The following LARP6 variants were observed in gnomAD, a reference collection of about 807,000 sequenced individuals.
The protein encoded by LARP6 is La ribonucleoprotein 6, translational regulator, also known as la-related protein 6.
LARP6 carries 18 observed loss-of-function variants against 32.8 expected under a neutral mutation model. The observed-to-expected ratio is 0.55, with a 90% CI of 0.38 to 0.81. The LOEUF (loss-of-function observed/expected upper bound fraction) is 0.81, where lower values mean the gene tolerates loss of function less well. Among genes scored for constraint, LARP6 ranks in the 40% least tolerant of loss-of-function variants. The probability of loss-of-function intolerance (pLI) is 0.00; values close to 1 mark genes in which losing one functional copy is unlikely to be tolerated. For synonymous variants in LARP6, 289 were observed against 267.2 expected, an observed-to-expected ratio of 1.08 and a Z score of -0.80; for missense variants, 598 against 663.1, an observed-to-expected ratio of 0.90 and a Z score of 1.08.
chr15:70,832,642 G>A lies in LARP6; in HGVS notation c.886C>T (p.Pro296Ser). 6.2e-7 allele frequency: 1 copy of A among 1,609,614 alleles called. No homozygotes were observed. The highest frequency in any genetic ancestry group is 8.5e-7 in the Non-Finnish European group (1 of 1,178,854). The part of the protein sequence containing the change: ...MKAVLIGMKP[P>S]KKKPAKDKNH... ...TTGTCTTTGGCAGGTTTCTTTTTGGGTGGCTTCATACCAATCAGGACAGCT... is the reference window on the plus strand; with the variant it reads ...TTGTCTTTGGCAGGTTTCTTTTTGGATGGCTTCATACCAATCAGGACAGCT... Residue 296 changes from proline to serine, a missense_variant, in exon 3 of 3, where the codon CCC (proline) becomes TCC (serine). Pro to Ser is a moderately conservative substitution (Grantham distance 74). Coordinates refer to ENST00000299213, the MANE Select transcript of LARP6 (RefSeq NM_018357.4).
intron 1 of LARP6, among the ~76,000 whole-genome samples, chr15:70,839,296 C>T (rs909218201): frequency 2.0e-5 from 3 of 151,866 alleles, no homozygotes; most frequent in African/African-American, 4.8e-5. Flanking sequence ...AAAAATTAGC[C>T]GGGTGTGGTG....
rs1360755223 is a variant in LARP6 at position 70,831,531 on chromosome 15, T to G, written c.*521A>C. 6.6e-6 allele frequency: 1 copy of G among 152,190 alleles called. No homozygotes were observed. Among genetic ancestry groups the G allele is most frequent in the Non-Finnish European group, 1.5e-5 (1 of 68,060 alleles). 9.4% of individuals were successfully genotyped at this position (152,190 alleles called of 1,614,324 possible). ...CTTTTGTCAGGCACAATCTATAACC[T>G]CAAAGTCAGCACTCCCAGTTGGGTG... On this transcript the variant is annotated 3_prime_UTR_variant, in exon 3 of 3. Transcript: ENST00000299213.
intron 1 of LARP6, chr15:70,853,105 G>A (rs2032520917): frequency 6.6e-6 from 1 of 152,110 alleles, no homozygotes; most frequent in African/African-American, 2.4e-5. Context: ...GTCCTTAAGG[G>A]CCTGGGCATT....
At chr15:70,840,201 T>G (rs1378959480) in intron 1 of LARP6, among the ~76,000 whole-genome samples, 1 of 152,158 alleles carries the variant, frequency 6.6e-6, no homozygotes, top group African/African-American at 2.4e-5. Context: ...ACAGAACAAA[T>G]TTCACTTTAT....
chr15:70,854,133 C>G lies in LARP6; in HGVS notation c.-45G>C, dbSNP rs1207006041. 8.3e-7 allele frequency: 1 copy of G among 1,204,836 alleles called. No individual in the cohort carries two copies. Among genetic ancestry groups the G allele is most frequent in the East Asian group, 3.4e-5 (1 of 29,688 alleles). 74.6% of individuals were successfully genotyped at this position (1,204,836 alleles called of 1,614,324 possible). A position where few individuals can be genotyped will look rare whatever the true frequency, so the allele number is the denominator to read the frequency against. On this transcript the variant is annotated 5_prime_UTR_variant, in exon 1 of 3. Coordinates refer to ENST00000299213, the MANE Select transcript of LARP6 (RefSeq NM_018357.4). ...CCGCCGGGGTCCTCACGCCGCAAGG[C>G]CCAGCCAGCCGGTCGGCAGCGACTG...
intron 1 of LARP6, among the ~76,000 whole-genome samples, chr15:70,839,081 G>T (rs998759388): frequency 5.9e-5 from 9 of 152,122 alleles, no homozygotes; most frequent in Non-Finnish European, 1.3e-4. Context: ...AAGAGTTTTA[G>T]CTATTTGCCT....
intron 1 of LARP6, among the ~76,000 whole-genome samples, chr15:70,842,013 C>T (rs1457845527): frequency 6.6e-6 from 1 of 151,976 alleles, no homozygotes; most frequent in African/African-American, 2.4e-5. Flanking sequence ...ATTCTTCTCC[C>T]CATTTTATGT....
intron 1 of LARP6, among the ~76,000 whole-genome samples, chr15:70,847,216 T>C (rs1052369359): frequency 1.3e-5 from 2 of 152,220 alleles, no homozygotes; most frequent in Admixed American, 1.3e-4. Context: ...GAAAAAGTTT[T>C]ACACTTAAGG....
chr15:70,849,036 G>A (rs2032398722), intron 1 of LARP6: 2 of 152,064 alleles, frequency 1.3e-5, no homozygotes, highest in Admixed American at 6.6e-5. Flanking sequence ...AATTTGAATT[G>A]GAATTATTGA....
At chr15:70,843,317 C>T (rs1376039872) in intron 1 of LARP6, among the ~76,000 whole-genome samples, 1 of 151,984 alleles carries the variant, frequency 6.6e-6, no homozygotes, top group East Asian at 1.9e-4. Context: ...AACATTTTTC[C>T]AAAAAATTAA....
intron 1 of LARP6, chr15:70,851,349 A>G: frequency 1.4e-6 from 1 of 693,474 alleles, no homozygotes; most frequent in Non-Finnish European, 1.9e-6. Context: ...ATGTTTGAAA[A>G]TTTTTATGTT....
chr15:70,832,057 C>T lies in LARP6; in HGVS notation c.1471G>A (p.Val491Ile). ...FHGHERSRAC[V>I] ...GTATTAAAAATAGAAGGTATTTATA[C>T]ACAGGCCCTGCTCCTCTCATGGCCA... The change falls in exon 3 of 3, where the codon GTA becomes ATA. Residue 491 changes from valine to isoleucine, a missense_variant. Val to Ile is a conservative substitution (Grantham distance 29). Transcript: ENST00000299213. The T allele has an allele frequency of 6.6e-7, 1 of 1,506,710 alleles. No homozygotes were observed. Among genetic ancestry groups the T allele is most frequent in the Non-Finnish European group, 8.9e-7 (1 of 1,127,166 alleles). 93.3% of individuals were successfully genotyped at this position (1,506,710 alleles called of 1,614,324 possible). A position where few individuals can be genotyped will look rare whatever the true frequency, so the allele number is the denominator to read the frequency against.
chr15:70,852,594 G>A (rs1476020490), intron 1 of LARP6, among the ~76,000 whole-genome samples: 3 of 152,126 alleles, frequency 2.0e-5, no homozygotes, highest in African/African-American at 7.2e-5. Context: ...CTGCCTTCTC[G>A]AGACTGTGAG....
At chr15:70,851,877 C>A in intron 1 of LARP6, 2 of 1,207,362 alleles carry the variant, frequency 1.7e-6, no homozygotes, top group Non-Finnish European at 2.3e-6. Context: ...TAAAGGCTGA[C>A]TAGAAATCAG....
At chr15:70,836,848 C>A (rs917872583) in intron 1 of LARP6, among the ~76,000 whole-genome samples, 1 of 152,156 alleles carries the variant, frequency 6.6e-6, no homozygotes, top group Non-Finnish European at 1.5e-5. Flanking sequence ...AGAATGGATC[C>A]ATTTCTAGTA....
At chr15:70,840,480 C>A (rs926013889) in intron 1 of LARP6, among the ~76,000 whole-genome samples, 1 of 152,154 alleles carries the variant, frequency 6.6e-6, no homozygotes, top group Admixed American at 6.5e-5. Context: ...GCGGAGGTTG[C>A]AGTGAGCCGG....
chr15:70,854,119 C>G lies in LARP6; in HGVS notation c.-31G>C. On this transcript the variant is annotated 5_prime_UTR_variant, in exon 1 of 3. Coordinates refer to ENST00000299213, the MANE Select transcript of LARP6 (RefSeq NM_018357.4). ...GCGGGACTGCGGCGCCGCCGGGGTC[C>G]TCACGCCGCAAGGCCCAGCCAGCCG... is the stretch of plus-strand genomic sequence containing the variant. 1 of 1,233,644 alleles carries G rather than the reference C, an allele frequency of 8.1e-7. No individual in the cohort carries two copies. 76.4% of individuals were successfully genotyped at this position (1,233,644 alleles called of 1,614,324 possible). A position where few individuals can be genotyped will look rare whatever the true frequency, so the allele number is the denominator to read the frequency against.
intron 1 of LARP6, chr15:70,849,505 T>C (rs901207798): frequency 1.1e-4 from 17 of 152,232 alleles, no homozygotes; most frequent in Admixed American, 2.6e-4. Flanking sequence ...ACTTTCTTAC[T>C]GGTATTTGAA....
intron 1 of LARP6, among the ~76,000 whole-genome samples, 186 bp from the exon 2 acceptor site, chr15:70,836,691 C>T (rs1303706571): frequency 6.6e-6 from 1 of 152,166 alleles, no homozygotes; most frequent in Non-Finnish European, 1.5e-5. Flanking sequence ...TAATCCAACA[C>T]AACTAGGGTC....
Sources: gnomAD v4.1 joint callset for allele counts (sites outside exome capture counted in the v4.1 genomes callset) on GRCh38, gnomAD v4.1.1 for gene constraint, MANE v1.5 for transcripts, NCBI Gene and HGNC (gene_info 2026-07-23, HGNC 2026-07-21) for gene names.